The following RIPK1 variants were observed in gnomAD, a reference collection of about 807,000 sequenced individuals.
RIPK1 encodes receptor-interacting serine/threonine-protein kinase 1.
Under a neutral mutation model 62.4 loss-of-function variants are expected in RIPK1, and 27 were observed. The observed-to-expected ratio is 0.43, with a 90% CI of 0.32 to 0.60. The LOEUF is 0.60. Ranked by LOEUF, RIPK1 falls within the 20% of genes least tolerant of loss-of-function variation. The pLI is 0.07. For missense variants in RIPK1, 735 were observed against 831.0 expected (o/e 0.88, Z 1.42); for synonymous variants, 287 against 303.2 (o/e 0.95, Z 0.55).
intron 7 of RIPK1, among the ~76,000 whole-genome samples, chr6:3,100,921 CT>C (rs764339110): frequency 2.6e-5 from 4 of 152,000 alleles, no homozygotes; most frequent in Non-Finnish European, 5.9e-5. Context: ...GGACTTTGTA[CT>C]TAACATATTT....
intron 4 of RIPK1, among the ~76,000 whole-genome samples, chr6:3,081,342 G>A (rs559241764): frequency 6.6e-6 from 1 of 152,254 alleles, no homozygotes; most frequent in African/African-American, 2.4e-5. Context: ...GGGGAGGAGT[G>A]GAGTTGAATG....
intron 6 of RIPK1, 39 bp from the exon 7 acceptor site, chr6:3,089,542 A>G (rs1367538123): frequency 1.0e-6 from 1 of 973,090 alleles, no homozygotes; most frequent in Admixed American, 2.0e-5. Flanking sequence ...TTATGTTAGA[A>G]AATAATTAAG....
chr6:3,075,511 C>A (rs529669133), intron 1 of RIPK1, among the ~76,000 whole-genome samples: 5 of 152,124 alleles, frequency 3.3e-5, no homozygotes, highest in Non-Finnish European at 7.4e-5. Flanking sequence ...ATTACTTAAA[C>A]CTATTCATTT....
chr6:3,108,633 A>C lies in RIPK1; in HGVS notation c.1577-2170A>C, dbSNP rs899788372. Among the ~76,000 whole-genome samples the C allele has an allele frequency of 2.6e-5, 4 of 152,146 alleles. No homozygotes were observed. The East Asian group carries it at 5.8e-4, about 22-fold the overall frequency. ...GATGCGCAGAGTAAGTGCTCAGTAAACGGTAGCTGCTGTTATTAGCACTGT... is the reference window on the plus strand; with the variant it reads ...GATGCGCAGAGTAAGTGCTCAGTAACCGGTAGCTGCTGTTATTAGCACTGT... On this transcript the variant is annotated intron_variant, in intron 9 of 10. Transcript: ENST00000259808.
chr6:3,078,029 C>A, intron 3 of RIPK1, 94 bp downstream of exon 3: 2 of 1,348,918 alleles, frequency 1.5e-6, no homozygotes, highest in African/African-American at 1.5e-5. Flanking sequence ...AGCTCGTTAG[C>A]ATCAAATTTG....
chr6:3,090,814 T>G (rs1418830905), intron 7 of RIPK1, among the ~76,000 whole-genome samples: 36 of 135,144 alleles, frequency 2.7e-4, no homozygotes, highest in East Asian at 2.3e-3. Flanking sequence ...CCGCACCTAG[T>G]AACCGCAGCG....
chr6:3,095,262 A>G (rs1430342734), intron 7 of RIPK1, among the ~76,000 whole-genome samples: 1 of 152,230 alleles, frequency 6.6e-6, no homozygotes, highest in African/African-American at 2.4e-5. Flanking sequence ...TCAAATAGAG[A>G]TAGAAACTTA....
chr6:3,100,106 G>A (rs1017981422), intron 7 of RIPK1, among the ~76,000 whole-genome samples: 5 of 152,172 alleles, frequency 3.3e-5, no homozygotes, highest in African/African-American at 1.2e-4. Flanking sequence ...TACTTACAGT[G>A]TGGTCCTTTT....
At chr6:3,068,302 G>A, upstream of RIPK1, 1 of 985,512 alleles carries the variant, frequency 1.0e-6, no homozygotes. Context: ...CCTCTCGTGC[G>A]CGCGGAGGTT....
chr6:3,095,846 CTT>C (rs34808064), intron 7 of RIPK1, among the ~76,000 whole-genome samples: 170 of 137,082 alleles, frequency 1.2e-3, no homozygotes, highest in Middle Eastern at 3.7e-3. Context: ...TGTTAACAGC[CTT>C]TTTTTTTTTT....
At chr6:3,066,502 A>C (rs894530629), upstream of RIPK1, among the ~76,000 whole-genome samples, 7 of 152,222 alleles carry the variant, frequency 4.6e-5, no homozygotes, top group Admixed American at 4.6e-4. Flanking sequence ...TGCTGAGTGA[A>C]TAGCTCTGCC....
chr6:3,088,337 A>G (rs1759840197), intron 6 of RIPK1, among the ~76,000 whole-genome samples: 1 of 152,198 alleles, frequency 6.6e-6, no homozygotes, highest in Non-Finnish European at 1.5e-5. Context: ...CCCCACTGAC[A>G]CAGAGGTGAA....
At chr6:3,103,143 A>T (rs908347032) in intron 7 of RIPK1, among the ~76,000 whole-genome samples, 2 of 151,366 alleles carry the variant, frequency 1.3e-5, no homozygotes, top group East Asian at 3.9e-4. Flanking sequence ...TATATCTTCT[A>T]TGGAGAAACT....
intron 6 of RIPK1, 81 bp downstream of exon 6, chr6:3,085,489 G>C: frequency 1.4e-6 from 2 of 1,458,306 alleles, no homozygotes. Context: ...AACTTGGTTT[G>C]AATCCTCAGA....
At chr6:3,106,269 C>T (rs573314058) in intron 9 of RIPK1, among the ~76,000 whole-genome samples, 1 of 152,240 alleles carries the variant, frequency 6.6e-6, no homozygotes, top group East Asian at 1.9e-4. Context: ...CCGCAAGCAT[C>T]GGGTTACAGG....
chr6:3,103,211 T>C (rs1332699976), intron 7 of RIPK1, among the ~76,000 whole-genome samples: 1 of 151,974 alleles, frequency 6.6e-6, no homozygotes, highest in African/African-American at 2.4e-5. Context: ...GTTGTTGAGT[T>C]GTAGGATTTT....
In RIPK1 at chr6:3,089,674, A is replaced by C; in HGVS notation, c.915+17A>C. The C allele has an allele frequency of 7.6e-7, 1 of 1,322,114 alleles. No homozygotes were observed. Among genetic ancestry groups the C allele is most frequent in the Non-Finnish European group, 1.1e-6 (1 of 932,232 alleles). 81.9% of individuals were successfully genotyped at this position (1,322,114 alleles called of 1,614,324 possible). ...AGTTTAAAGGTAGGCAATATAGCAG[A>C]TGCTCAAAATATTAACATAGCAAAA... On this transcript the variant is annotated intron_variant, in intron 7 of 10. Transcript: ENST00000259808.
chr6:3,065,255 ACT>A (rs1192689171), upstream of RIPK1, among the ~76,000 whole-genome samples: 3 of 89,836 alleles, frequency 3.3e-5, no homozygotes, highest in African/African-American at 1.4e-4. Flanking sequence ...ACAGAGCCAG[ACT>A]CCGTCTCAAA....
Position 3,105,414 on chromosome 6 carries a change from C to A in RIPK1, c.1007-68C>A. 8.2e-7 allele frequency: 1 copy of A among 1,224,042 alleles called. No individual in the cohort carries two copies. 75.8% of individuals were successfully genotyped at this position (1,224,042 alleles called of 1,614,324 possible). ...ACTTTGAGATACAGATTCATGACGG[C>A]GCTCAGATTTTATTTTACTTTTTAA... On this transcript the variant is annotated intron_variant, in intron 8 of 10. Transcript: ENST00000259808. This position sits in a 1 kb window ranked among gnomAD's most constrained non-coding sequence, Gnocchi z 4.5.
Sources: gnomAD v4.1 joint callset for allele counts (sites outside exome capture counted in the v4.1 genomes callset) on GRCh38, gnomAD v4.1.1 for gene constraint, Gnocchi (gnomAD v3.1) non-coding constraint, MANE v1.5 for transcripts, NCBI Gene and HGNC (gene_info 2026-07-23, HGNC 2026-07-21) for gene names.